ZCCHC7: variants seen among roughly 807,000 people sequenced by gnomAD.
ZCCHC7 encodes the protein zinc finger CCHC-type containing 7, also known as zinc finger CCHC domain-containing protein 7.
Under a neutral mutation model 52.0 loss-of-function variants are expected in ZCCHC7, and 35 were observed. The observed-to-expected ratio is 0.67, with a 90% CI of 0.51 to 0.89. The LOEUF (loss-of-function observed/expected upper bound fraction) is 0.89, where lower values mean the gene tolerates loss of function less well. Among genes scored for constraint, ZCCHC7 ranks in the 40% least tolerant of loss-of-function variants. The pLI is 0.00. For missense variants in ZCCHC7, 574 were observed against 649.1 expected, an observed-to-expected ratio of 0.88 and a Z score of 1.26; for synonymous variants, 217 against 221.5, an observed-to-expected ratio of 0.98 and a Z score of 0.18.
rs1829105913 is a variant in ZCCHC7 at position 37,302,999 on chromosome 9, TCAAAA to T, written c.654+769_654+773del. Among the ~76,000 whole-genome samples the T allele has an allele frequency of 2.6e-5, 4 of 152,300 alleles. No homozygotes were observed. The South Asian group carries it at 8.3e-4, about 32-fold the overall frequency. ...CTTGTAGGCAGTAACCCTGTGCTGT[TCAAAA>T]GAATGGATATATTGGGTAGCTGTAC... On this transcript the variant is annotated intron_variant, in intron 3 of 8. Coordinates refer to ENST00000336755, the MANE Select transcript of ZCCHC7 (RefSeq NM_032226.3).
intron 2 of ZCCHC7, among the ~76,000 whole-genome samples, chr9:37,238,893 A>C (rs1258229705): frequency 1.3e-5 from 2 of 152,212 alleles, no homozygotes; most frequent in Non-Finnish European, 2.9e-5. Context: ...AATAATTATG[A>C]AATTATTTTC....
intron 6 of ZCCHC7, among the ~76,000 whole-genome samples, chr9:37,333,281 T>C (rs187991334): frequency 7.2e-4 from 110 of 151,854 alleles, no homozygotes; most frequent in Admixed American, 1.3e-4. Flanking sequence ...GCTTTTGCCA[T>C]CTTCTAAATA....
At chr9:37,169,332 G>A (rs1194459482) in intron 2 of ZCCHC7, among the ~76,000 whole-genome samples, 1 of 152,184 alleles carries the variant, frequency 6.6e-6, no homozygotes, top group South Asian at 2.1e-4. Flanking sequence ...GCATAAGCTC[G>A]TTCTAAAAAT....
At chr9:37,248,415 G>A (rs921551935) in intron 2 of ZCCHC7, among the ~76,000 whole-genome samples, 8 of 152,150 alleles carry the variant, frequency 5.3e-5, no homozygotes, top group African/African-American at 1.2e-4. Flanking sequence ...TGCCTGGAGC[G>A]TTTCAGTAGT....
chr9:37,124,722 G>A (rs772960803), intron 1 of ZCCHC7, among the ~76,000 whole-genome samples: 1 of 152,192 alleles, frequency 6.6e-6, no homozygotes, highest in Admixed American at 6.5e-5. Context: ...GATTTAATAT[G>A]CTCACAGTAG....
intron 5 of ZCCHC7, among the ~76,000 whole-genome samples, chr9:37,325,692 A>C (rs1830213166): frequency 6.6e-6 from 1 of 152,212 alleles, no homozygotes; most frequent in African/African-American, 2.4e-5. Flanking sequence ...TGAAATGAAA[A>C]ATATTTGTTT....
intron 2 of ZCCHC7, among the ~76,000 whole-genome samples, chr9:37,199,846 A>C (rs149848614): frequency 6.6e-6 from 1 of 151,742 alleles, no homozygotes; most frequent in East Asian, 1.9e-4. Context: ...CTGGGACTAC[A>C]GGCACCCGCC....
chr9:37,290,545 A>G (rs1439421051), intron 2 of ZCCHC7, among the ~76,000 whole-genome samples: 1 of 152,056 alleles, frequency 6.6e-6, no homozygotes, highest in Non-Finnish European at 1.5e-5. Context: ...AGTACCAGCT[A>G]CTTGGAGGGC....
At chr9:37,137,988 T>C (rs895380385) in intron 2 of ZCCHC7, among the ~76,000 whole-genome samples, 2 of 152,254 alleles carry the variant, frequency 1.3e-5, no homozygotes, top group South Asian at 2.1e-4. Context: ...AACTGAAAAA[T>C]GGCCACATGC....
At chr9:37,267,660 C>T (rs1468635178) in intron 2 of ZCCHC7, among the ~76,000 whole-genome samples, 1 of 150,958 alleles carries the variant, frequency 6.6e-6, no homozygotes, top group Non-Finnish European at 1.5e-5. Flanking sequence ...AGCTCCGCCT[C>T]CCAGCTTCAC....
intron 5 of ZCCHC7, among the ~76,000 whole-genome samples, chr9:37,308,980 CAAA>C (rs56871245): frequency 3.1e-4 from 33 of 107,302 alleles, no homozygotes; most frequent in East Asian, 3.7e-4. Context: ...AGTCTGTATC[CAAA>C]AAAAAAAAAA....
At chr9:37,200,296 C>T (rs894413831) in intron 2 of ZCCHC7, among the ~76,000 whole-genome samples, 1 of 152,046 alleles carries the variant, frequency 6.6e-6, no homozygotes, top group Non-Finnish European at 1.5e-5. Flanking sequence ...AACCCGAAAA[C>T]AAAACATAAG....
intron 2 of ZCCHC7, among the ~76,000 whole-genome samples, chr9:37,134,327 G>A (rs540890559): frequency 6.6e-6 from 1 of 152,102 alleles, no homozygotes; most frequent in Non-Finnish European, 1.5e-5. Context: ...GAATTTTATA[G>A]TATTGCTTAA....
chr9:37,120,834 C>G, intron 1 of ZCCHC7: 1 of 257,614 alleles, frequency 3.9e-6, no homozygotes, highest in East Asian at 6.5e-5. Flanking sequence ...GGGTCCGCGT[C>G]TCCCTGGCTT....
intron 6 of ZCCHC7, among the ~76,000 whole-genome samples, chr9:37,338,749 G>T (rs1213429407): frequency 6.6e-6 from 1 of 151,664 alleles, no homozygotes; most frequent in African/African-American, 2.4e-5. Context: ...ATGTTTTCAC[G>T]ACCTCGACTA....
intron 2 of ZCCHC7, among the ~76,000 whole-genome samples, chr9:37,245,939 T>A (rs1157252237): frequency 6.6e-6 from 1 of 152,054 alleles, no homozygotes; most frequent in African/African-American, 2.4e-5. Flanking sequence ...TTAGTCTGGA[T>A]TGGTAAAGTG....
At chr9:37,199,742 G>C (rs1029715907) in intron 2 of ZCCHC7, among the ~76,000 whole-genome samples, 1 of 150,762 alleles carries the variant, frequency 6.6e-6, no homozygotes, top group Non-Finnish European at 1.5e-5. Context: ...TTTTCTCTCT[G>C]TTGTCCAGGC....
chr9:37,132,498 A>G (rs906443372), intron 2 of ZCCHC7, among the ~76,000 whole-genome samples: 21 of 151,556 alleles, frequency 1.4e-4, no homozygotes, highest in African/African-American at 5.1e-4. Flanking sequence ...GAAGCTCATC[A>G]GACATCAAGT....
chr9:37,164,695 C>G (rs1421734866), intron 2 of ZCCHC7, among the ~76,000 whole-genome samples: 4 of 152,192 alleles, frequency 2.6e-5, no homozygotes, highest in Admixed American at 2.0e-4. Flanking sequence ...TCTCTTACCT[C>G]AGACTCTTGT....
Sources: allele counts gnomAD v4.1 joint callset (sites outside exome capture counted in the v4.1 genomes callset), GRCh38; gene constraint gnomAD v4.1.1; transcripts MANE v1.5; gene names NCBI Gene and HGNC (gene_info 2026-07-23, HGNC 2026-07-21).